CSNK1D: variants seen among roughly 807,000 people sequenced by gnomAD.
CSNK1D encodes the protein casein kinase I isoform delta.
CSNK1D carries 16 observed loss-of-function variants against 46.6 expected under a neutral mutation model. The ratio of observed to expected loss-of-function variants is 0.34; its 90% CI spans 0.23 to 0.52. The LOEUF (loss-of-function observed/expected upper bound fraction) is 0.52, where lower values mean the gene tolerates loss of function less well. Ranked by LOEUF, CSNK1D falls within the 20% of genes least tolerant of loss-of-function variation. CSNK1D has a pLI of 0.95. For synonymous variants in CSNK1D, 276 were observed against 228.2 expected (o/e 1.21, Z -1.89); for missense variants, 398 against 578.4 (o/e 0.69, Z 3.20).
In CSNK1D at chr17:82,252,454, A is replaced by C. The variant is rs759310090; in HGVS notation, c.716T>G (p.Val239Gly). The C allele has an allele frequency of 6.2e-7, 1 of 1,613,420 alleles. No homozygotes were observed. Among genetic ancestry groups the C allele is most frequent in the Non-Finnish European group, 8.5e-7 (1 of 1,179,898 alleles). Reference sequence around the variant, plus strand: ...CTTACAAGGGTAGCCTTTACACAACACTTCGATGGGGGTGGACATTTTCTT... The same window carrying C: ...CTTACAAGGGTAGCCTTTACACAACCCTTCGATGGGGGTGGACATTTTCTT... ...SEKKMSTPIE[V>G]LCKGYPSEFA... The change falls in exon 5 of 9, where the codon GTG (valine) becomes GGG (glycine). Residue 239 changes from valine to glycine, a missense_variant. Val to Gly is a moderately radical substitution (Grantham distance 109, BLOSUM62 -3). Coordinates refer to ENST00000314028, the MANE Select transcript of CSNK1D (RefSeq NM_001893.6). The surrounding 1 kb of genome is among the most constrained non-coding windows in gnomAD (Gnocchi z 4.6).
downstream of CSNK1D, among the ~76,000 whole-genome samples, chr17:82,240,300 A>T (rs1221312313): frequency 6.6e-6 from 1 of 152,164 alleles, no homozygotes; most frequent in African/African-American, 2.4e-5. Flanking sequence ...AGTCCCACCC[A>T]GCAGCTGAAG....
At chr17:82,239,540 TGCTGATGGCCTG>T (rs899462301), downstream of CSNK1D, 9 of 180,788 alleles carry the variant, frequency 5.0e-5, no homozygotes, top group Non-Finnish European at 9.1e-5. Context: ...CTCGCACGTC[TGCTGATGGCCTG>T]GCTGTTCCTA....
In CSNK1D at chr17:82,244,172, TCTC is replaced by T. The variant is rs1485332151; in HGVS notation, c.*606_*608del. 31 of 1,006,962 alleles carry T rather than the reference TCTC, an allele frequency of 3.1e-5. No homozygotes were observed. Among genetic ancestry groups the T allele is most frequent in the East Asian group, 3.0e-4 (3 of 10,116 alleles). 62.4% of individuals were successfully genotyped at this position (1,006,962 alleles called of 1,614,324 possible). A position where few individuals can be genotyped will look rare whatever the true frequency, so the allele number is the denominator to read the frequency against. ...CACACCACGGACTTTTGATGAGAAA[TCTC>T]CTCTCCAAAGCGGACAATAAAACAC... On this transcript the variant is annotated 3_prime_UTR_variant, in exon 9 of 9. Transcript: ENST00000314028.
chr17:82,268,112 C>A (rs2051525887), intron 1 of CSNK1D, among the ~76,000 whole-genome samples: 1 of 152,240 alleles, frequency 6.6e-6, no homozygotes, highest in African/African-American at 2.4e-5. Context: ...CGCCCCGAGT[C>A]TCTACAGGGG....
intron 3 of CSNK1D, chr17:82,253,718 G>C: frequency 2.9e-6 from 1 of 343,550 alleles, no homozygotes; most frequent in South Asian, 2.3e-5. Context: ...CGAGAAGCCA[G>C]TGAGCTGAGC....
At chr17:82,268,914 T>G (rs1020733706) in intron 1 of CSNK1D, among the ~76,000 whole-genome samples, 101 of 151,484 alleles carry the variant, frequency 6.7e-4, no homozygotes, top group African/African-American at 2.1e-3. Flanking sequence ...GCCCACATGG[T>G]GAAACCCCGT....
chr17:82,266,807 TC>T (rs1293412502), intron 1 of CSNK1D: 2 of 152,350 alleles, frequency 1.3e-5, no homozygotes, highest in Non-Finnish European at 2.9e-5. Flanking sequence ...ACGCCTGTAA[TC>T]CCAGCACTTT....
In CSNK1D at chr17:82,270,191, T is replaced by C. The variant is rs542100191; in HGVS notation, c.76+3115A>G. On this transcript the variant is annotated intron_variant, in intron 1 of 8. Transcript: ENST00000314028. ...CATTCAAGAAATAGCCCCAAAATAC[T>C]GCCCCCTTTGAAGGGGCAATTTTGG... Among the ~76,000 whole-genome samples, 3 of 152,348 alleles carry C rather than the reference T, an allele frequency of 2.0e-5. No individual in the cohort carries two copies. The South Asian group carries it at 6.2e-4, about 32-fold the overall frequency.
rs2051694565 is a variant in CSNK1D, at chr17:82,273,465, C to T, written c.-84G>A. On this transcript the variant is annotated 5_prime_UTR_variant, in exon 1 of 9. Coordinates refer to ENST00000314028, the MANE Select transcript of CSNK1D (RefSeq NM_001893.6). The surrounding 1 kb of genome is among the most constrained non-coding windows in gnomAD (Gnocchi z 5.1). ...GGAGGCGGCGCCGCTGCTGCCGCTA[C>T]TGCGGGTCCGGCTCCCGGCTCCGCC... 5.2e-6 allele frequency: 8 copies of T among 1,545,100 alleles called. No individual in the cohort carries two copies. The highest frequency in any genetic ancestry group is 1.2e-5 in the South Asian group (1 of 86,804).
At chr17:82,246,592 G>C in intron 8 of CSNK1D, 3 of 1,025,328 alleles carry the variant, frequency 2.9e-6, no homozygotes, top group Non-Finnish European at 3.5e-6. Flanking sequence ...AGCCCGAAAA[G>C]AGAGGGGGCG....
chr17:82,256,650 C>T (rs920412013), intron 2 of CSNK1D, among the ~76,000 whole-genome samples: 4 of 152,136 alleles, frequency 2.6e-5, no homozygotes, highest in Non-Finnish European at 5.9e-5. Flanking sequence ...AAAACATGCA[C>T]AGGAATGTGC....
Position 82,253,038 on chromosome 17 carries a change from G to A in CSNK1D, c.543C>T (p.Ser181=), listed in dbSNP as rs1470796443. ...CACCAATTCCAAGGTGCGTGTTGAT[G>A]GAGGCGTACCGCGCCGTCCCCGTGA... The part of the protein sequence containing the change: ...KNLTGTARYA[S]INTHLGIEQS... The change falls in exon 4 of 9, where the codon TCC becomes TCT. Residue 181 remains serine (S), a synonymous_variant. Transcript: ENST00000314028. The A allele has an allele frequency of 2.5e-6, 4 of 1,613,818 alleles. No homozygotes were observed. The African/African-American group carries it at 4.0e-5, about 16-fold the overall frequency.
downstream of CSNK1D, among the ~76,000 whole-genome samples, chr17:82,242,197 C>T (rs554440897): frequency 6.7e-6 from 1 of 148,460 alleles, no homozygotes; most frequent in South Asian, 2.1e-4. Flanking sequence ...GGATAGGGGC[C>T]ACTGCTGTGT....
At position 82,242,749 on chromosome 17, in the gene CSNK1D, G is replaced by A; in HGVS notation, c.*2032C>T. 1 of 985,452 alleles carries A rather than the reference G, an allele frequency of 1.0e-6. No homozygotes were observed. The highest frequency in any genetic ancestry group is 1.2e-6 in the Non-Finnish European group (1 of 829,934). 61.0% of individuals were successfully genotyped at this position (985,452 alleles called of 1,614,324 possible). A position where few individuals can be genotyped will look rare whatever the true frequency, so the allele number is the denominator to read the frequency against. ...AGTGGCGATACAAACGCACAGCTCG[G>A]AGACTGGCCGTCAGTGCACAGCTGA... On this transcript the variant is annotated 3_prime_UTR_variant, in exon 9 of 9. Transcript: ENST00000314028.
intron 1 of CSNK1D, among the ~76,000 whole-genome samples, chr17:82,269,315 A>G (rs1393496777): frequency 1.3e-5 from 2 of 152,130 alleles, no homozygotes; most frequent in Non-Finnish European, 2.9e-5. Flanking sequence ...ACGACTTCTC[A>G]TTACAGATGC....
downstream of CSNK1D, chr17:82,239,881 C>G (rs746517344): frequency 1.4e-6 from 1 of 700,528 alleles, no homozygotes; most frequent in African/African-American, 1.8e-5. Context: ...CCCGGCCCAG[C>G]GCTTGGGCTT....
intron 8 of CSNK1D, chr17:82,245,959 G>A (rs748815299): frequency 1.9e-5 from 30 of 1,592,734 alleles, no homozygotes; most frequent in South Asian, 2.3e-5. Flanking sequence ...CCTGGCGCCC[G>A]CCACGCGCAC....
Position 82,250,339 on chromosome 17 carries a change from A to AGCC in CSNK1D, c.886-738_886-737insGGC. ...CACAGACCGACACACCTGCGGCTGC[A>AGCC]GCACCGTGCGGCCAGCACCGCCCAG... On this transcript the variant is annotated intron_variant, in intron 6 of 8. Transcript: ENST00000314028. This position sits in a 1 kb window ranked among gnomAD's most constrained non-coding sequence, Gnocchi z 4.6. The AGCC allele has an allele frequency of 1.7e-6, 1 of 579,854 alleles. No homozygotes were observed. The highest frequency in any genetic ancestry group is 2.8e-6 in the Non-Finnish European group (1 of 356,858). 35.9% of individuals were successfully genotyped at this position (579,854 alleles called of 1,614,324 possible).
chr17:82,241,076 T>A (rs762302712), downstream of CSNK1D, among the ~76,000 whole-genome samples: 21 of 144,450 alleles, frequency 1.5e-4, no homozygotes, highest in Non-Finnish European at 3.2e-4. Context: ...GTTGTGAAGA[T>A]CCCCTGACCA....
Sources: gnomAD v4.1 joint callset for allele counts (sites outside exome capture counted in the v4.1 genomes callset) on GRCh38, gnomAD v4.1.1 for gene constraint, Gnocchi (gnomAD v3.1) non-coding constraint, MANE v1.5 for transcripts, NCBI Gene and HGNC (gene_info 2026-07-23, HGNC 2026-07-21) for gene names.